The following RNF217 variants were observed in gnomAD, a reference collection of about 807,000 sequenced individuals.
RNF217 encodes E3 ubiquitin-protein ligase RNF217.
Under a neutral mutation model 57.8 loss-of-function variants are expected in RNF217, and 31 were observed. The observed-to-expected ratio is 0.54, with a 90% CI of 0.40 to 0.72. RNF217 has a LOEUF of 0.72. RNF217 is among the 30% of genes least tolerant of loss of function. The pLI is 0.00. For missense variants in RNF217, 696 were observed against 708.3 expected, an observed-to-expected ratio of 0.98 and a Z score of 0.20; for synonymous variants, 313 against 294.0, an observed-to-expected ratio of 1.06 and a Z score of -0.66.
chr6:125,017,973 G>A (rs1785677667), intron 1 of RNF217, among the ~76,000 whole-genome samples: 1 of 152,104 alleles, frequency 6.6e-6, no homozygotes, highest in Non-Finnish European at 1.5e-5. Flanking sequence ...AAATATTTTG[G>A]TTACATCCAG....
chr6:125,012,042 A>C (rs564530586), intron 1 of RNF217, among the ~76,000 whole-genome samples: 1 of 152,234 alleles, frequency 6.6e-6, no homozygotes, highest in South Asian at 2.1e-4. Context: ...TACTGAATCT[A>C]ATTAAAAGCC....
At chr6:124,982,009 A>G (rs1784188593) in intron 1 of RNF217, among the ~76,000 whole-genome samples, 1 of 141,112 alleles carries the variant, frequency 7.1e-6, no homozygotes, top group African/African-American at 2.6e-5. Flanking sequence ...TCCTGGCAAC[A>G]GAGCGAGACT....
chr6:125,083,041 T>C lies in RNF217; in HGVS notation c.*104T>C, dbSNP rs1788636936. ...TTGAAAAACACTGAGAGGAACCTTC[T>C]ACCATCTCATCTCCCAGTGATTCTC... On this transcript the variant is annotated 3_prime_UTR_variant, in exon 6 of 6. Coordinates refer to ENST00000521654, the MANE Select transcript of RNF217 (RefSeq NM_001286398.3). 2 of 699,182 alleles carry C rather than the reference T, an allele frequency of 2.9e-6. No homozygotes were observed. The highest frequency in any genetic ancestry group is 4.6e-6 in the Non-Finnish European group (2 of 436,106). The allele number at this position is 699,182 out of a possible 1,614,324, so 43.3% of individuals were successfully genotyped here.
chr6:125,031,987 C>T (rs1786381272), intron 1 of RNF217, among the ~76,000 whole-genome samples: 1 of 152,140 alleles, frequency 6.6e-6, no homozygotes, highest in Non-Finnish European at 1.5e-5. Flanking sequence ...AGGTGAAAGG[C>T]ACTCCTTACA....
Position 124,983,464 on chromosome 6 carries a change from G to A in RNF217, c.882+20038G>A, listed in dbSNP as rs376452948. The A allele has an allele frequency of 1.5e-5, 15 of 984,796 alleles. No homozygotes were observed. The East Asian group carries it at 1.0e-3, about 67-fold the overall frequency. 61.0% of individuals were successfully genotyped at this position (984,796 alleles called of 1,614,324 possible). On this transcript the variant is annotated intron_variant, in intron 1 of 5. Transcript: ENST00000521654. ...TTTAGAGCCTGAGTGATGGTTTAGT[G>A]GATTTATGTCCTCACTTGTCACTAA...
At chr6:125,082,768 G>A in intron 5 of RNF217, 96 bp from the exon 6 acceptor site, 1 of 1,135,482 alleles carries the variant, frequency 8.8e-7, no homozygotes, top group Non-Finnish European at 1.3e-6. Flanking sequence ...TTCTTTGTAT[G>A]TTCGTACACT....
At position 125,086,308 on chromosome 6, in the gene RNF217, A is replaced by C. The variant is rs1193750689; in HGVS notation, c.*3371A>C. The stretch of plus-strand genomic sequence containing the variant: ...TACCTTGCCAAAACTTACAATAGGA[A>C]ATTTTTTTTCAATAAAAATAAAATT... On this transcript the variant is annotated 3_prime_UTR_variant, in exon 6 of 6. Coordinates refer to ENST00000521654, the MANE Select transcript of RNF217 (RefSeq NM_001286398.3). 6.6e-6 allele frequency: 1 copy of C among 151,394 alleles called. No individual in the cohort carries two copies. Among genetic ancestry groups the C allele is most frequent in the African/African-American group, 2.4e-5 (1 of 41,254 alleles). 9.4% of individuals were successfully genotyped at this position (151,394 alleles called of 1,614,324 possible).
intron 1 of RNF217, among the ~76,000 whole-genome samples, chr6:124,975,596 A>G (rs1279432567): frequency 6.6e-6 from 1 of 151,790 alleles, no homozygotes; most frequent in Non-Finnish European, 1.5e-5. Flanking sequence ...ATGCCTGGCT[A>G]ATTATTTTTT....
intron 2 of RNF217, chr6:125,048,159 G>C (rs1250591112): frequency 8.3e-6 from 11 of 1,323,488 alleles, no homozygotes; most frequent in East Asian, 4.9e-5. Context: ...TAGGTAAGGA[G>C]AGCACTGACA....
intron 1 of RNF217, among the ~76,000 whole-genome samples, chr6:124,994,055 G>GA (rs1402221425): frequency 1.3e-5 from 2 of 152,082 alleles, no homozygotes; most frequent in African/African-American, 4.8e-5. Context: ...TGGAAAGAGG[G>GA]AAGGGGTCAT....
chr6:125,031,231 T>C (rs562783016), intron 1 of RNF217, among the ~76,000 whole-genome samples: 8 of 152,368 alleles, frequency 5.3e-5, no homozygotes, highest in Non-Finnish European at 1.0e-4. Context: ...AGGCCTGTGA[T>C]GCTAGGAGCT....
chr6:125,082,425 G>T (rs550256269), intron 5 of RNF217: 3 of 1,572,286 alleles, frequency 1.9e-6, no homozygotes, highest in East Asian at 4.6e-5. Flanking sequence ...TTATGTAATA[G>T]ATATTATTAT....
At chr6:125,067,151 G>T (rs777283853) in intron 3 of RNF217, among the ~76,000 whole-genome samples, 1 of 152,202 alleles carries the variant, frequency 6.6e-6, no homozygotes, top group Admixed American at 6.5e-5. Flanking sequence ...CACAGAGCCA[G>T]GAAGTGTTTG....
intron 1 of RNF217, among the ~76,000 whole-genome samples, chr6:125,016,549 T>G (rs533058814): frequency 6.6e-6 from 1 of 152,134 alleles, no homozygotes; most frequent in African/African-American, 2.4e-5. Context: ...CTGCTGTTTT[T>G]AGAAAGTTTT....
At chr6:124,969,974 G>T (rs1783699793) in intron 1 of RNF217, among the ~76,000 whole-genome samples, 1 of 152,104 alleles carries the variant, frequency 6.6e-6, no homozygotes, top group Non-Finnish European at 1.5e-5. Context: ...GAATAATAAG[G>T]TGTAAAGTTC....
At position 125,080,828 on chromosome 6, in the gene RNF217, G is replaced by A. The variant is rs1366452717; in HGVS notation, c.1484-608G>A. ...TTATAAGTGCTTCCTTTTTCAATTC[G>A]TTAAAATGATTCACTTGAGTAACTT... is the stretch of plus-strand genomic sequence containing the variant. On this transcript the variant is annotated intron_variant, in intron 4 of 5. Transcript: ENST00000521654. Among the ~76,000 whole-genome samples, 5 of 151,908 alleles carry A rather than the reference G, an allele frequency of 3.3e-5. No individual in the cohort carries two copies. The East Asian group carries it at 9.6e-4, about 29-fold the overall frequency.
intron 1 of RNF217, among the ~76,000 whole-genome samples, chr6:125,008,460 A>G (rs1582702155): frequency 6.6e-6 from 1 of 152,174 alleles, no homozygotes; most frequent in Admixed American, 6.5e-5. Flanking sequence ...CTCAGGGTCC[A>G]TGAATCGCAT....
chr6:125,085,823 AT>A lies in RNF217; in HGVS notation c.*2890del, dbSNP rs1788754768. ...TGTGTATGTGTCTGTGTGTGTATTCATTTTATACAAATAGAAAAATATTCTT... is the reference window on the plus strand; with the variant it reads ...TGTGTATGTGTCTGTGTGTGTATTCATTTATACAAATAGAAAAATATTCTT... On this transcript the variant is annotated 3_prime_UTR_variant, in exon 6 of 6. Coordinates refer to ENST00000521654, the MANE Select transcript of RNF217 (RefSeq NM_001286398.3). 6.6e-6 allele frequency: 1 copy of A among 151,844 alleles called. No homozygotes were observed. Among genetic ancestry groups the A allele is most frequent in the Non-Finnish European group, 1.5e-5 (1 of 67,812 alleles). The allele number at this position is 151,844 out of a possible 1,614,324, so 9.4% of individuals were successfully genotyped here.
intron 1 of RNF217, among the ~76,000 whole-genome samples, chr6:124,974,156 A>G (rs562381947): frequency 1.3e-5 from 2 of 152,240 alleles, no homozygotes; most frequent in African/African-American, 2.4e-5. Flanking sequence ...TGAGGCAGTC[A>G]TAAGCCTGCC....
Sources: gnomAD v4.1 joint callset for allele counts (sites outside exome capture counted in the v4.1 genomes callset) on GRCh38, gnomAD v4.1.1 for gene constraint, MANE v1.5 for transcripts, NCBI Gene and HGNC (gene_info 2026-07-23, HGNC 2026-07-21) for gene names.